MAP1B: variants seen among roughly 807,000 people sequenced by gnomAD.
MAP1B encodes microtubule associated protein 1B, also known as microtubule-associated protein 1B.
A neutral mutation model predicts 176.1 loss-of-function variants in MAP1B; 12 were observed. The ratio of observed to expected loss-of-function variants is 0.07; its 90% confidence interval spans 0.04 to 0.11. The LOEUF (loss-of-function observed/expected upper bound fraction) is 0.11. Among genes scored for constraint, MAP1B ranks in the 10% least tolerant of loss-of-function variants. MAP1B has a pLI of 1.00. For missense variants in MAP1B, 2,523 were observed against 2,990.5 expected (o/e 0.84, Z 3.65); for synonymous variants, 1,044 against 1,135.0 (o/e 0.92, Z 1.61).
intron 2 of MAP1B, among the ~76,000 whole-genome samples, chr5:72,138,235 A>G (rs1224635052): frequency 6.6e-6 from 1 of 152,244 alleles, no homozygotes; most frequent in Non-Finnish European, 1.5e-5. Flanking sequence ...GGGTGGAGAA[A>G]GACACACATA....
chr5:72,200,103 A>G lies in MAP1B; in HGVS notation c.6748A>G (p.Thr2250Ala). 6.2e-7 allele frequency: 1 copy of G among 1,614,262 alleles called. No homozygotes were observed. Among genetic ancestry groups the G allele is most frequent in the Non-Finnish European group, 8.5e-7 (1 of 1,180,046 alleles). The change falls in exon 5 of 7, where the codon ACA becomes GCA. Residue 2250 changes from threonine (T) to alanine (A), a missense_variant. This residue lies in a region of MAP1B where 287 missense variants were observed against 401.5 expected (regional missense o/e 0.71). Coordinates refer to ENST00000296755, the MANE Select transcript of MAP1B (RefSeq NM_005909.5). The stretch of plus-strand genomic sequence containing the variant: ...GAAGACCAAAACCAAAAAGCCAGGT[A>G]CAAAGACCAAGTCATCTTCACCTGT... ...KEKTKTKKPG[T>A]KTKSSSPVKK...
Position 72,107,730 on chromosome 5 carries a change from G to T in MAP1B, c.184+15G>T, listed in dbSNP as rs760272287. The T allele has an allele frequency of 6.3e-7, 1 of 1,597,618 alleles. No individual in the cohort carries two copies. Among genetic ancestry groups the T allele is most frequent in the Non-Finnish European group, 8.5e-7 (1 of 1,179,106 alleles). On this transcript the variant is annotated intron_variant, in intron 1 of 6. Transcript: ENST00000296755. ...CATCGAGCTCGGTAAGTGGCCCCGCGCCCCCAGAGACGCGCGCTGGGAGAC... is the reference window on the plus strand; with the variant it reads ...CATCGAGCTCGGTAAGTGGCCCCGCTCCCCCAGAGACGCGCGCTGGGAGAC...
chr5:72,161,179 G>A (rs1355097585), intron 2 of MAP1B, among the ~76,000 whole-genome samples: 1 of 152,144 alleles, frequency 6.6e-6, no homozygotes, highest in African/African-American at 2.4e-5. Context: ...GAGAAGATGA[G>A]CCTCCATGCC....
chr5:72,163,676 G>C (rs1746367986), intron 2 of MAP1B, among the ~76,000 whole-genome samples: 1 of 152,142 alleles, frequency 6.6e-6, no homozygotes, highest in African/African-American at 2.4e-5. Flanking sequence ...GGTCCTGTGG[G>C]AGCAACCTCA....
chr5:72,193,786 T>A (rs1226794891), intron 4 of MAP1B, 80 bp from the exon 5 acceptor site: 1 of 1,423,992 alleles, frequency 7.0e-7, no homozygotes, highest in East Asian at 2.4e-5. Flanking sequence ...CTGTAACACA[T>A]AGTTATAGCT....
rs527965953 is a variant in MAP1B at position 72,206,078 on chromosome 5, A to G, written c.*839A>G. On this transcript the variant is annotated 3_prime_UTR_variant, in exon 7 of 7. Coordinates refer to ENST00000296755, the MANE Select transcript of MAP1B (RefSeq NM_005909.5). ...CAGCATTTGTCCACCCACTTAGTCC[A>G]CTCTGAGTCGATTAACCTGCATGCA... is the stretch of plus-strand genomic sequence containing the variant. The G allele has an allele frequency of 3.3e-5, 5 of 152,758 alleles. No individual in the cohort carries two copies. In the South Asian group the frequency reaches 1.0e-3, roughly 32 times the overall value. The allele number at this position is 152,758 out of a possible 1,614,324, so 9.5% of individuals were successfully genotyped here. A position where few individuals can be genotyped will look rare whatever the true frequency, so the allele number is the denominator to read the frequency against.
At chr5:72,109,275 G>C (rs994676662) in intron 1 of MAP1B, among the ~76,000 whole-genome samples, 1 of 151,452 alleles carries the variant, frequency 6.6e-6, no homozygotes, top group African/African-American at 2.4e-5. Context: ...GAAAGTCATA[G>C]TATTTTATTC....
At chr5:72,124,569 T>G (rs1745588961) in intron 2 of MAP1B, among the ~76,000 whole-genome samples, 1 of 152,254 alleles carries the variant, frequency 6.6e-6, no homozygotes, top group South Asian at 2.1e-4. Context: ...ACACTCAAGC[T>G]GAGGTTGCCT....
chr5:72,175,787 C>A (rs962553402), intron 2 of MAP1B, among the ~76,000 whole-genome samples: 1 of 152,124 alleles, frequency 6.6e-6, no homozygotes, highest in Admixed American at 6.5e-5. Flanking sequence ...AAACTAACAA[C>A]CACAAGGTCC....
At position 72,115,708 on chromosome 5, in the gene MAP1B, A is replaced by G. The variant is rs751921687; in HGVS notation, c.195A>G (p.Ser65=). 7 of 1,608,216 alleles carry G rather than the reference A, an allele frequency of 4.4e-6. No homozygotes were observed. In the South Asian group the frequency reaches 4.4e-5, roughly 10 times the overall value. ...AIGNIELGIR[S]WDTNLIECNL... ...TCTTTCCCTCCCTAGGAATCCGATC[A>G]TGGGACACAAACCTGATTGAATGCA... Residue 65 remains serine (S), a synonymous_variant, in exon 2 of 7, where the codon TCA becomes TCG. Coordinates refer to ENST00000296755, the MANE Select transcript of MAP1B (RefSeq NM_005909.5).
At position 72,196,965 on chromosome 5, in the gene MAP1B, G is replaced by T; in HGVS notation, c.3610G>T (p.Ala1204Ser). The change falls in exon 5 of 7, where the codon GCC becomes TCC. Residue 1204 changes from alanine to serine, a missense_variant. Ala to Ser is a moderately conservative substitution (Grantham distance 99, BLOSUM62 1). Coordinates refer to ENST00000296755, the MANE Select transcript of MAP1B (RefSeq NM_005909.5). This position sits in a 1 kb window ranked among gnomAD's most constrained non-coding sequence, Gnocchi z 5.3. ...TGATGGCAAGGATTACAATGCTTCAGCCTCTACCATATCACCACCCTCTTC... is the reference window on the plus strand; with the variant it reads ...TGATGGCAAGGATTACAATGCTTCATCCTCTACCATATCACCACCCTCTTC... ...ATDGKDYNASASTISPPSSME... is the reference protein window; with the variant it reads ...ATDGKDYNASSSTISPPSSME... The T allele has an allele frequency of 6.2e-7, 1 of 1,614,170 alleles. No homozygotes were observed. Among genetic ancestry groups the T allele is most frequent in the Non-Finnish European group, 8.5e-7 (1 of 1,180,034 alleles).
At chr5:72,113,816 A>G (rs773258895) in intron 1 of MAP1B, among the ~76,000 whole-genome samples, 2 of 152,234 alleles carry the variant, frequency 1.3e-5, no homozygotes, top group Non-Finnish European at 2.9e-5. Flanking sequence ...ACTAGTATAT[A>G]GTGTATACAT....
At chr5:72,117,945 G>A (rs1168746789) in intron 2 of MAP1B, among the ~76,000 whole-genome samples, 1 of 152,220 alleles carries the variant, frequency 6.6e-6, no homozygotes, top group Non-Finnish European at 1.5e-5. Flanking sequence ...TCAGATAAGT[G>A]TGTTTTAAAG....
chr5:72,136,127 C>T (rs999999224), intron 2 of MAP1B, among the ~76,000 whole-genome samples: 24 of 152,252 alleles, frequency 1.6e-4, no homozygotes, highest in African/African-American at 4.8e-4. Flanking sequence ...GTGTGCTGAG[C>T]ACCTAGGTAC....
At chr5:72,187,096 C>T (rs1365517598) in intron 4 of MAP1B, among the ~76,000 whole-genome samples, 1 of 152,172 alleles carries the variant, frequency 6.6e-6, no homozygotes, top group Non-Finnish European at 1.5e-5. Context: ...AATAATACTC[C>T]AAAGATATCT....
chr5:72,198,888 C>T lies in MAP1B; in HGVS notation c.5533C>T (p.Leu1845=), dbSNP rs777698464. The part of the protein sequence containing the change: ...SVLFDTMQHH[L]ALNRDLSTPG... ...GTTATTCGATACAATGCAACACCAT[C>T]TAGCCTTGAATAGAGATTTGTCCAC... Residue 1845 remains leucine, a synonymous_variant, in exon 5 of 7, where the codon CTA becomes TTA. Transcript: ENST00000296755. 1.9e-6 allele frequency: 3 copies of T among 1,614,236 alleles called. No homozygotes were observed. The highest frequency in any genetic ancestry group is 2.5e-6 in the Non-Finnish European group (3 of 1,180,042).
At chr5:72,148,698 G>A (rs116444750) in intron 2 of MAP1B, among the ~76,000 whole-genome samples, 116 of 152,370 alleles carry the variant, frequency 7.6e-4, no homozygotes, top group African/African-American at 2.7e-3. Context: ...AAACAGGAAC[G>A]GGAAGGAGGT....
intron 1 of MAP1B, among the ~76,000 whole-genome samples, 171 bp from the exon 2 acceptor site, chr5:72,115,527 C>A (rs1453475816): frequency 1.3e-5 from 2 of 152,184 alleles, no homozygotes; most frequent in African/African-American, 4.8e-5. Flanking sequence ...GGTGGAGAGA[C>A]CTCCCTGGCC....
intron 2 of MAP1B, among the ~76,000 whole-genome samples, chr5:72,123,872 C>A (rs1254111389): frequency 6.6e-6 from 1 of 152,150 alleles, no homozygotes; most frequent in Non-Finnish European, 1.5e-5. Flanking sequence ...CTCAAGCGAT[C>A]CTCCTGCCCC....
Sources: gnomAD v4.1 joint callset for allele counts (sites outside exome capture counted in the v4.1 genomes callset) on GRCh38, gnomAD v4.1.1 for gene constraint, gnomAD v4.1.1 regional missense constraint, Gnocchi (gnomAD v3.1) non-coding constraint, MANE v1.5 for transcripts, NCBI Gene and HGNC (gene_info 2026-07-23, HGNC 2026-07-21) for gene names.